ADAMTSL1: variants seen among roughly 807,000 people sequenced by gnomAD.
The protein encoded by ADAMTSL1 is ADAMTS like 1, also known as ADAMTS-like protein 1.
Under a neutral mutation model 201.8 loss-of-function variants are expected in ADAMTSL1, and 126 were observed. The observed-to-expected ratio is 0.62, with a 90% CI of 0.54 to 0.72. ADAMTSL1 has a LOEUF of 0.72. Ranked by LOEUF, ADAMTSL1 falls within the 30% of genes least tolerant of loss-of-function variation. ADAMTSL1 has a pLI of 0.00. For synonymous variants in ADAMTSL1, 1,121 were observed against 903.4 expected, an observed-to-expected ratio of 1.24 and a Z score of -4.32; for missense variants, 2,679 against 2,277.8, an observed-to-expected ratio of 1.18 and a Z score of -3.59.
At chr9:18,594,697 T>A (rs1408424464) in intron 4 of ADAMTSL1, among the ~76,000 whole-genome samples, 1 of 152,234 alleles carries the variant, frequency 6.6e-6, no homozygotes, top group Non-Finnish European at 1.5e-5. Context: ...ATTTCTCTGA[T>A]AAATTTTTGA....
At chr9:18,014,793 T>C (rs1205452925) in intron 1 of ADAMTSL1, among the ~76,000 whole-genome samples, 5 of 152,046 alleles carry the variant, frequency 3.3e-5, no homozygotes, top group African/African-American at 1.2e-4. Context: ...TCAGCTGGTG[T>C]ATCCAAATAC....
At chr9:18,774,923 T>C (rs1437417731) in intron 17 of ADAMTSL1, among the ~76,000 whole-genome samples, 1 of 152,234 alleles carries the variant, frequency 6.6e-6, no homozygotes, top group Admixed American at 6.5e-5. Context: ...CTAGGTCTCA[T>C]GGTAAATTTA....
chr9:18,207,290 G>T (rs1359389020), intron 2 of ADAMTSL1, among the ~76,000 whole-genome samples: 1 of 152,154 alleles, frequency 6.6e-6, no homozygotes, highest in Non-Finnish European at 1.5e-5. Context: ...ATATTATAAT[G>T]GCAATAGCTA....
At chr9:18,309,444 T>C (rs1473674556) in intron 2 of ADAMTSL1, among the ~76,000 whole-genome samples, 1 of 152,112 alleles carries the variant, frequency 6.6e-6, no homozygotes, top group East Asian at 1.9e-4. Flanking sequence ...AACCCCATCA[T>C]CTCAGCCCAA....
At chr9:18,350,431 C>T (rs1410092997) in intron 2 of ADAMTSL1, among the ~76,000 whole-genome samples, 1 of 152,132 alleles carries the variant, frequency 6.6e-6, no homozygotes, top group Non-Finnish European at 1.5e-5. Flanking sequence ...CCGGTCCTTC[C>T]CTTCTAGCCT....
chr9:18,097,151 CT>C (rs1824288195), intron 1 of ADAMTSL1, among the ~76,000 whole-genome samples: 1 of 152,204 alleles, frequency 6.6e-6, no homozygotes, highest in Non-Finnish European at 1.5e-5. Flanking sequence ...CTAGATTAAT[CT>C]CTTCTAGAGT....
intron 2 of ADAMTSL1, among the ~76,000 whole-genome samples, chr9:18,346,168 A>G (rs1029896106): frequency 6.6e-6 from 1 of 152,156 alleles, no homozygotes; most frequent in African/African-American, 2.4e-5. Context: ...TACTTTACAA[A>G]CATGAATCCC....
intron 23 of ADAMTSL1, among the ~76,000 whole-genome samples, chr9:18,882,634 G>A (rs1828603804): frequency 6.6e-6 from 1 of 152,036 alleles, no homozygotes; most frequent in Admixed American, 6.5e-5. Context: ...TGGACCTCGT[G>A]GCATGTAGAT....
intron 1 of ADAMTSL1, among the ~76,000 whole-genome samples, chr9:18,079,321 G>A (rs1021041599): frequency 7.2e-5 from 11 of 152,064 alleles, no homozygotes; most frequent in African/African-American, 1.5e-4. Flanking sequence ...CACTGCTATC[G>A]CATCTTGATA....
chr9:18,681,697 T>TGTGGGGGG lies in ADAMTSL1; in HGVS notation c.1342-114_1342-113insTGGGGGGG, dbSNP rs370940110. On this transcript the variant is annotated intron_variant, in intron 11 of 28. Transcript: ENST00000380548. ...TATAAATTTACCAGGAGTCCTCGTG[T>TGTGGGGGG]GGGGGGGGGGGGCGGGGAAAAAGAA... 102 of 240,298 alleles carry TGTGGGGGG rather than the reference T, an allele frequency of 4.2e-4. No homozygotes were observed. In the African/African-American group the frequency reaches 5.2e-3, roughly 12 times the overall value. 14.9% of individuals were successfully genotyped at this position (240,298 alleles called of 1,614,324 possible).
At chr9:17,953,816 G>A (rs1030122739) in intron 1 of ADAMTSL1, among the ~76,000 whole-genome samples, 7 of 152,132 alleles carry the variant, frequency 4.6e-5, no homozygotes, top group Non-Finnish European at 8.8e-5. Flanking sequence ...AATTTTTTAT[G>A]CTGTTGATTT....
chr9:18,131,633 C>A (rs1479162949), intron 1 of ADAMTSL1, among the ~76,000 whole-genome samples: 3 of 152,148 alleles, frequency 2.0e-5, no homozygotes, highest in Non-Finnish European at 4.4e-5. Context: ...CTTTTCTTAT[C>A]CCTCATAAGC....
chr9:18,287,945 A>G (rs1452839207), intron 2 of ADAMTSL1, among the ~76,000 whole-genome samples: 1 of 152,192 alleles, frequency 6.6e-6, no homozygotes, highest in Non-Finnish European at 1.5e-5. Context: ...GCAAATTAAA[A>G]TGTACAGAAC....
intron 20 of ADAMTSL1, among the ~76,000 whole-genome samples, chr9:18,812,878 C>G (rs373677255): frequency 6.6e-6 from 1 of 150,572 alleles, no homozygotes. Flanking sequence ...GTTTATGTGT[C>G]TATTTTTATG....
chr9:18,345,661 A>G (rs1229027926), intron 2 of ADAMTSL1, among the ~76,000 whole-genome samples: 1 of 152,174 alleles, frequency 6.6e-6, no homozygotes, highest in Non-Finnish European at 1.5e-5. Context: ...TGGCAAAGTT[A>G]TCTTAGGGTA....
chr9:18,697,140 C>G (rs12686263), intron 13 of ADAMTSL1, among the ~76,000 whole-genome samples: 47,008 of 151,782 alleles, frequency 0.31, 8,020 homozygotes, highest in Non-Finnish European at 0.39. Context: ...CCTCAGCCCC[C>G]CCAAGTGCTG....
At chr9:18,031,071 A>G (rs538014660) in intron 1 of ADAMTSL1, among the ~76,000 whole-genome samples, 8 of 152,148 alleles carry the variant, frequency 5.3e-5, no homozygotes, top group African/African-American at 1.4e-4. Flanking sequence ...GGATTGTTTT[A>G]CTTGTTTCCT....
intron 28 of ADAMTSL1, chr9:18,907,153 G>A (rs1830362998): frequency 3.8e-6 from 2 of 532,362 alleles, no homozygotes; most frequent in Non-Finnish European, 6.7e-6. Context: ...GAGAGAGCCA[G>A]GTGCTATTGG....
intron 23 of ADAMTSL1, among the ~76,000 whole-genome samples, chr9:18,875,135 G>C (rs1427019723): frequency 1.3e-5 from 2 of 152,000 alleles, no homozygotes; most frequent in Non-Finnish European, 2.9e-5. Flanking sequence ...TTCTAATTGA[G>C]CTTATTTGAA....
Sources: gnomAD v4.1 joint callset for allele counts (sites outside exome capture counted in the v4.1 genomes callset) on GRCh38, gnomAD v4.1.1 for gene constraint, MANE v1.5 for transcripts, NCBI Gene and HGNC (gene_info 2026-07-23, HGNC 2026-07-21) for gene names.